SRBD1: variants seen among roughly 807,000 people sequenced by gnomAD.
SRBD1 encodes the protein S1 RNA-binding domain-containing protein 1.
Under a neutral mutation model 115.3 loss-of-function variants are expected in SRBD1, and 88 were observed. The ratio of observed to expected loss-of-function variants is 0.76; its 90% CI spans 0.64 to 0.91. The LOEUF is 0.91. Among genes scored for constraint, SRBD1 ranks in the 40% least tolerant of loss-of-function variants. The pLI is 0.00. For missense variants in SRBD1, 1,385 were observed against 1,177.4 expected (o/e 1.18, Z -2.58); for synonymous variants, 509 against 407.7 (o/e 1.25, Z -2.99).
chr2:45,595,158 A>C (rs1171908160), intron 4 of SRBD1, among the ~76,000 whole-genome samples: 1 of 152,230 alleles, frequency 6.6e-6, no homozygotes, highest in African/African-American at 2.4e-5. Flanking sequence ...TCCTTTTGAC[A>C]AGCCTAAAAC....
intron 16 of SRBD1, among the ~76,000 whole-genome samples, chr2:45,450,492 T>G (rs888554819): frequency 3.9e-5 from 6 of 152,044 alleles, no homozygotes; most frequent in Admixed American, 3.3e-4. Flanking sequence ...ACTGGAAGAG[T>G]TACAATATTT....
intron 16 of SRBD1, among the ~76,000 whole-genome samples, chr2:45,461,658 G>GCCC (rs3835990): frequency 2.6e-5 from 4 of 150,962 alleles, no homozygotes; most frequent in African/African-American, 9.7e-5. Context: ...AGATTCAACT[G>GCCC]CCCCCCCCAA....
At position 45,556,115 on chromosome 2, in the gene SRBD1, TCATA is replaced by T. The variant is rs555347866; in HGVS notation, c.1410-2389_1410-2386del. 2.1e-3 allele frequency among the ~76,000 whole-genome samples: 314 copies of T among 152,280 alleles called. 1 individual carries two copies. The highest frequency in any genetic ancestry group is 7.2e-3 in the African/African-American group (300 of 41,562). Reference sequence around the variant, plus strand: ...AACTGAATCTCTTCCATAGAAAGTGTCATACAGTTTTTAAATTTTAGTGGAAGTG... The same window carrying T: ...AACTGAATCTCTTCCATAGAAAGTGTCAGTTTTTAAATTTTAGTGGAAGTG... On this transcript the variant is annotated intron_variant, in intron 10 of 20. Transcript: ENST00000263736.
intron 19 of SRBD1, among the ~76,000 whole-genome samples, chr2:45,393,331 A>G (rs1304687043): frequency 2.0e-5 from 3 of 152,192 alleles, no homozygotes; most frequent in Non-Finnish European, 2.9e-5. Context: ...TGGATTAAAG[A>G]TTTTTGTGCT....
At chr2:45,461,786 T>C (rs1669325477) in intron 16 of SRBD1, among the ~76,000 whole-genome samples, 1 of 152,202 alleles carries the variant, frequency 6.6e-6, no homozygotes, top group East Asian at 1.9e-4. Flanking sequence ...TGACTCTTAT[T>C]TGACTTCAGA....
At chr2:45,514,792 G>C (rs924377575) in intron 14 of SRBD1, among the ~76,000 whole-genome samples, 1 of 152,130 alleles carries the variant, frequency 6.6e-6, no homozygotes, top group African/African-American at 2.4e-5. Context: ...AAATACTTTT[G>C]AAAGTGTTCC....
intron 16 of SRBD1, among the ~76,000 whole-genome samples, chr2:45,454,809 A>C (rs17322083): frequency 0.34 from 52,294 of 151,686 alleles, 10,033 homozygotes; most frequent in Non-Finnish European, 0.44. Context: ...TAACATTATA[A>C]ATTTTTAAAA....
chr2:45,441,550 ACTTTT>A (rs1668669154), intron 16 of SRBD1, among the ~76,000 whole-genome samples: 1 of 152,118 alleles, frequency 6.6e-6, no homozygotes, highest in South Asian at 2.1e-4. Context: ...GGCCATTTAG[ACTTTT>A]CTTTGTATTC....
At position 45,553,732 on chromosome 2, in the gene SRBD1, T is replaced by C; in HGVS notation, c.1410-2A>G. On this transcript the variant is annotated splice_acceptor_variant, in intron 10 of 20. Transcript: ENST00000263736. LOFTEE classifies it high-confidence loss of function. ...CTTGCAAAGCTACGTGGTCTCCACC[T>C]GCAAAACAGAAAAGCCCACACTAAA... 3.8e-6 allele frequency: 6 copies of C among 1,560,794 alleles called. No individual in the cohort carries two copies. Among genetic ancestry groups the C allele is most frequent in the African/African-American group, 1.4e-5 (1 of 72,548 alleles).
chr2:45,465,409 T>A (rs561555518), intron 16 of SRBD1, among the ~76,000 whole-genome samples: 14 of 152,206 alleles, frequency 9.2e-5, no homozygotes, highest in African/African-American at 2.9e-4. Flanking sequence ...TACATATATG[T>A]GTGTATATAT....
chr2:45,568,548 A>C (rs1672908112), intron 9 of SRBD1, among the ~76,000 whole-genome samples: 1 of 152,188 alleles, frequency 6.6e-6, no homozygotes, highest in Admixed American at 6.5e-5. Flanking sequence ...GACATTTCCA[A>C]AATGCTCTGC....
chr2:45,391,538 G>A lies in SRBD1; in HGVS notation c.2698+1407C>T, dbSNP rs536543893. 4.6e-5 allele frequency among the ~76,000 whole-genome samples: 7 copies of A among 152,284 alleles called. No individual in the cohort carries two copies. The South Asian group carries it at 1.5e-3, about 32-fold the overall frequency. On this transcript the variant is annotated intron_variant, in intron 20 of 20. Coordinates refer to ENST00000263736, the MANE Select transcript of SRBD1 (RefSeq NM_018079.5). The stretch of plus-strand genomic sequence containing the variant: ...TAAGCCTTCCTCACCTTGGGTATGT[G>A]TTTAGTAGTAAGATGAAAGTTCTCA...
At chr2:45,610,348 C>T (rs1342567200) in intron 1 of SRBD1, among the ~76,000 whole-genome samples, 1 of 152,196 alleles carries the variant, frequency 6.6e-6, no homozygotes, top group Non-Finnish European at 1.5e-5. Context: ...AAACAAGTTT[C>T]CATGAAGGAC....
rs192037729 is a variant in SRBD1 at position 45,574,392 on chromosome 2, G to T, written c.1169+235C>A. ...CAGGCCCCTCCACTGAGATGCCTCA[G>T]TGTAAGGAGGGTGAGTAGGCAGAGT... On this transcript the variant is annotated intron_variant, in intron 8 of 20. Transcript: ENST00000263736. 2.8e-3 allele frequency among the ~76,000 whole-genome samples: 419 copies of T among 152,282 alleles called. 1 individual carries two copies. The highest frequency in any genetic ancestry group is 9.5e-3 in the African/African-American group (393 of 41,562).
chr2:45,516,301 A>G (rs970893908), intron 14 of SRBD1, among the ~76,000 whole-genome samples: 8 of 152,188 alleles, frequency 5.3e-5, no homozygotes, highest in African/African-American at 1.9e-4. Context: ...CAGCAGCTGG[A>G]GCTGTTTTGA....
chr2:45,418,575 A>G, intron 17 of SRBD1, 34 bp from the exon 18 acceptor site: 7 of 1,584,514 alleles, frequency 4.4e-6, no homozygotes, highest in Non-Finnish European at 6.0e-6. Flanking sequence ...TGAAAAAAAG[A>G]TCTCATCTGA....
intron 16 of SRBD1, among the ~76,000 whole-genome samples, chr2:45,424,170 T>C (rs1668085708): frequency 6.6e-6 from 1 of 152,068 alleles, no homozygotes; most frequent in South Asian, 2.1e-4. Context: ...TTCACAGCAT[T>C]TTCTTCCCAA....
chr2:45,488,777 T>C (rs1385186385), intron 14 of SRBD1, among the ~76,000 whole-genome samples: 1 of 152,072 alleles, frequency 6.6e-6, no homozygotes, highest in Non-Finnish European at 1.5e-5. Flanking sequence ...TGTGTGGATA[T>C]GTGCACATGC....
intron 1 of SRBD1, among the ~76,000 whole-genome samples, chr2:45,609,670 C>T (rs1294724185): frequency 6.6e-6 from 1 of 152,194 alleles, no homozygotes; most frequent in Admixed American, 6.5e-5. Flanking sequence ...CAGGTACTCT[C>T]TGCCTGGAGT....
Sources: gnomAD v4.1 joint callset for allele counts (sites outside exome capture counted in the v4.1 genomes callset) on GRCh38, gnomAD v4.1.1 for gene constraint, MANE v1.5 for transcripts, NCBI Gene and HGNC (gene_info 2026-07-23, HGNC 2026-07-21) for gene names.